STK3: variants seen among roughly 807,000 people sequenced by gnomAD.
The protein encoded by STK3 is serine/threonine kinase 3, also known as serine/threonine-protein kinase 3.
Under a neutral mutation model 58.0 loss-of-function variants are expected in STK3, and 41 were observed. The observed-to-expected ratio is 0.71, with a 90% CI of 0.55 to 0.92. The LOEUF (loss-of-function observed/expected upper bound fraction) is 0.92, where lower values mean the gene tolerates loss of function less well. Ranked by LOEUF, STK3 falls within the 40% of genes least tolerant of loss-of-function variation. The pLI, the probability that STK3 is intolerant of heterozygous loss-of-function variation, is 0.00. For missense variants in STK3, 479 were observed against 602.7 expected, an observed-to-expected ratio of 0.79 and a Z score of 2.15; for synonymous variants, 170 against 191.0, an observed-to-expected ratio of 0.89 and a Z score of 0.91.
chr8:98,903,281 A>C (rs1453182864), intron 1 of STK3, among the ~76,000 whole-genome samples: 1 of 152,214 alleles, frequency 6.6e-6, no homozygotes, highest in Non-Finnish European at 1.5e-5. Flanking sequence ...TACAGTCCCA[A>C]GTTATCCTGA....
intron 3 of STK3, among the ~76,000 whole-genome samples, chr8:98,848,813 T>C (rs1006704811): frequency 2.0e-5 from 3 of 152,226 alleles, no homozygotes; most frequent in Middle Eastern, 3.2e-3. Flanking sequence ...TAAACATTCA[T>C]GTACAAGCTT....
chr8:98,377,900 A>G (rs1817690993), intron 2 of STK3, among the ~76,000 whole-genome samples: 1 of 152,074 alleles, frequency 6.6e-6, no homozygotes, highest in South Asian at 2.1e-4. Context: ...GCAGCTAGTA[A>G]GGTTGAAGCT....
chr8:98,636,800 A>G (rs998679391), intron 6 of STK3, among the ~76,000 whole-genome samples: 1 of 152,172 alleles, frequency 6.6e-6, no homozygotes, highest in Non-Finnish European at 1.5e-5. Context: ...TGAAATTTAA[A>G]TATGTCAGCT....
intron 6 of STK3, chr8:98,598,374 C>A: frequency 3.0e-6 from 3 of 985,248 alleles, no homozygotes; most frequent in Non-Finnish European, 3.6e-6. Context: ...TCACATTCTA[C>A]CCTCAAATAT....
rs952348897 is a variant in STK3 at position 98,378,808 on chromosome 8, A to C, written n.111+345T>G. ...CCTGCAAATATCTGTCCTGCCTACA[A>C]AACACAACTCTCCACATGGCCCCTC... is the stretch of plus-strand genomic sequence containing the variant. On this transcript the variant is annotated intron_variant and non_coding_transcript_variant, in intron 2 of 2. Transcript: ENST00000518704. 2.6e-4 allele frequency among the ~76,000 whole-genome samples: 40 copies of C among 152,222 alleles called. 1 individual carries two copies. The Middle Eastern group carries it at 0.024, about 91-fold the overall frequency.
At chr8:98,879,541 A>G (rs1263606340), downstream of STK3, 1 of 152,188 alleles carries the variant, frequency 6.6e-6, no homozygotes, top group African/African-American at 2.4e-5. Context: ...TTTTATCAAA[A>G]CTGGGTGCTG....
chr8:98,549,615 A>T (rs1811000191), intron 8 of STK3, among the ~76,000 whole-genome samples: 1 of 152,158 alleles, frequency 6.6e-6, no homozygotes, highest in East Asian at 1.9e-4. Flanking sequence ...GCTTTTGTTG[A>T]CAAATCTCAG....
At chr8:98,518,874 C>T (rs1825147240) in intron 10 of STK3, among the ~76,000 whole-genome samples, 1 of 152,126 alleles carries the variant, frequency 6.6e-6, no homozygotes, top group Non-Finnish European at 1.5e-5. Context: ...CAATATGCCA[C>T]ATACACTTGA....
intron 1 of STK3, among the ~76,000 whole-genome samples, chr8:98,910,381 T>G (rs933549320): frequency 1.3e-5 from 2 of 152,228 alleles, no homozygotes; most frequent in Non-Finnish European, 2.9e-5. Flanking sequence ...TTTTAGTAAC[T>G]TTTAAATATT....
At chr8:98,413,997 C>T (rs550148329) in intron 3 of STK3, among the ~76,000 whole-genome samples, 172 of 152,360 alleles carry the variant, frequency 1.1e-3, no homozygotes, top group African/African-American at 3.4e-3. Flanking sequence ...GGCCAGGTGG[C>T]TCATGCCTGT....
At chr8:98,557,463 C>T (rs918364087) in intron 8 of STK3, among the ~76,000 whole-genome samples, 3 of 151,976 alleles carry the variant, frequency 2.0e-5, no homozygotes, top group African/African-American at 7.2e-5. Flanking sequence ...CAAGGTTGTA[C>T]CTGTTTGTTG....
At chr8:98,624,902 T>C (rs1014157354) in intron 6 of STK3, among the ~76,000 whole-genome samples, 5 of 151,980 alleles carry the variant, frequency 3.3e-5, no homozygotes, top group Admixed American at 2.6e-4. Context: ...AGTAGAGTCT[T>C]GGCTAGATAG....
rs538103496 is a variant in STK3 at position 98,539,629 on chromosome 8, C to T, written c.1141+8340G>A. 5.9e-5 allele frequency among the ~76,000 whole-genome samples: 9 copies of T among 152,234 alleles called. No homozygotes were observed. The East Asian group carries it at 1.7e-3, about 29-fold the overall frequency. ...ATACTATATGCATATACAGGTAAGACATTTTTAAAATGTATATTTAGTAAA... is the reference window on the plus strand; with the variant it reads ...ATACTATATGCATATACAGGTAAGATATTTTTAAAATGTATATTTAGTAAA... On this transcript the variant is annotated intron_variant, in intron 9 of 10. Transcript: ENST00000419617.
intron 5 of STK3, 35 bp downstream of exon 5, chr8:98,707,112 G>A: frequency 6.4e-7 from 1 of 1,569,930 alleles, no homozygotes; most frequent in Non-Finnish European, 8.6e-7. Flanking sequence ...GAACAAATTA[G>A]CCAAGTGTTT....
intron 1 of STK3, among the ~76,000 whole-genome samples, chr8:98,921,962 G>A (rs1265924219): frequency 2.6e-5 from 4 of 152,114 alleles, no homozygotes; most frequent in Non-Finnish European, 5.9e-5. Context: ...CCAAAATGCT[G>A]GGATTACAAG....
downstream of STK3, among the ~76,000 whole-genome samples, chr8:98,367,614 C>T (rs1381975173): frequency 1.3e-5 from 2 of 152,190 alleles, no homozygotes; most frequent in East Asian, 1.9e-4. Context: ...GGGGCTGGAG[C>T]GGGGTTTCTT....
intron 10 of STK3, among the ~76,000 whole-genome samples, chr8:98,480,395 T>G (rs1183731934): frequency 6.6e-6 from 1 of 152,120 alleles, no homozygotes; most frequent in Non-Finnish European, 1.5e-5. Context: ...TTTTAAACTT[T>G]CTGAGATAGG....
intron 6 of STK3, among the ~76,000 whole-genome samples, chr8:98,631,273 G>A (rs114706834): frequency 5.3e-5 from 8 of 152,218 alleles, no homozygotes; most frequent in Non-Finnish European, 1.5e-5. Context: ...CCCTGCAATG[G>A]TTTCCTGTTT....
intron 6 of STK3, among the ~76,000 whole-genome samples, chr8:98,689,558 A>G (rs1450995987): frequency 6.6e-6 from 1 of 152,200 alleles, no homozygotes; most frequent in African/African-American, 2.4e-5. Flanking sequence ...AGGCAGAAGG[A>G]TCACTGGAGC....
Sources: allele counts gnomAD v4.1 joint callset (sites outside exome capture counted in the v4.1 genomes callset), GRCh38; gene constraint gnomAD v4.1.1; transcripts MANE v1.5; gene names NCBI Gene and HGNC (gene_info 2026-07-23, HGNC 2026-07-21).